Variants in MSRA observed in about 807,000 individuals in gnomAD.
The protein encoded by MSRA is methionine sulfoxide reductase A.
A neutral mutation model predicts 31.3 loss-of-function variants in MSRA; 54 were observed. That is an observed-to-expected ratio of 1.73 (90% confidence interval 1.39 to 2.17). The LOEUF is 2.17. Among genes scored for constraint, MSRA ranks in the 30% most tolerant of loss-of-function variants. The probability of loss-of-function intolerance (pLI) is 0.00; values close to 1 mark genes in which losing one functional copy is unlikely to be tolerated. For synonymous variants in MSRA, 169 were observed against 116.5 expected (o/e 1.45, Z -2.90); for missense variants, 507 against 300.9 (o/e 1.69, Z -5.07).
chr8:10,427,576 C>G (rs11250007), intron 5 of MSRA, among the ~76,000 whole-genome samples: 82,362 of 152,048 alleles, frequency 0.54, 25,379 homozygotes, highest in Non-Finnish European at 0.7. Context: ...TCCTTCTCCC[C>G]AGAGCCACAG....
intron 1 of MSRA, among the ~76,000 whole-genome samples, chr8:10,120,722 A>G (rs937459874): frequency 1.3e-5 from 2 of 152,182 alleles, no homozygotes; most frequent in African/African-American, 4.8e-5. Context: ...TGGTGAATCT[A>G]ATGGAAGCTC....
intron 1 of MSRA, among the ~76,000 whole-genome samples, chr8:10,122,437 G>T (rs1801192108): frequency 6.6e-6 from 1 of 152,104 alleles, no homozygotes; most frequent in Non-Finnish European, 1.5e-5. Context: ...AAACAAAACT[G>T]TGATGTAAAT....
intron 1 of MSRA, among the ~76,000 whole-genome samples, chr8:10,202,333 C>A (rs1268453748): frequency 6.6e-6 from 1 of 152,194 alleles, no homozygotes; most frequent in Non-Finnish European, 1.5e-5. Context: ...AAAGAACTTG[C>A]TATTTTCCCA....
chr8:10,369,047 T>G (rs2129169216), intron 5 of MSRA, among the ~76,000 whole-genome samples: 1 of 152,324 alleles, frequency 6.6e-6, no homozygotes, highest in East Asian at 1.9e-4. Context: ...AGAATAAGTG[T>G]TAGAATCCAA....
chr8:10,408,231 T>C (rs1034947926), intron 5 of MSRA, among the ~76,000 whole-genome samples: 2 of 152,146 alleles, frequency 1.3e-5, no homozygotes, highest in Admixed American at 1.3e-4. Context: ...TACATCTGCA[T>C]AGTGACATTT....
chr8:10,237,860 C>T lies in MSRA; in HGVS notation c.212-7244C>T, dbSNP rs571094152. ...ACCACTTGGTCTAAACCACCATTAT[C>T]TCTCACTTGGATTACAGCCATAGTT... On this transcript the variant is annotated intron_variant, in intron 2 of 5. Coordinates refer to ENST00000317173, the MANE Select transcript of MSRA (RefSeq NM_012331.5). Among the ~76,000 whole-genome samples the T allele has an allele frequency of 5.3e-5, 8 of 152,352 alleles. No individual in the cohort carries two copies. In the South Asian group the frequency reaches 1.7e-3, roughly 32 times the overall value.
chr8:10,112,442 G>T (rs1433724134), intron 1 of MSRA, among the ~76,000 whole-genome samples: 1 of 152,200 alleles, frequency 6.6e-6, no homozygotes, highest in Non-Finnish European at 1.5e-5. Flanking sequence ...GTCACGGCCA[G>T]TTAAAAATGC....
rs138534285 is a variant in MSRA, at chr8:10,353,379, C to G, written c.543+33390C>G. The stretch of plus-strand genomic sequence containing the variant: ...TACGCTGATCTGGTACTGAAGACCA[C>G]CAGGGCCGTCCGTGGCGTGTACGGA... On this transcript the variant is annotated intron_variant, in intron 5 of 5. Coordinates refer to ENST00000317173, the MANE Select transcript of MSRA (RefSeq NM_012331.5). 1.4e-3 allele frequency among the ~76,000 whole-genome samples: 216 copies of G among 152,278 alleles called. 1 individual carries two copies. Among genetic ancestry groups the G allele is most frequent in the African/African-American group, 5.0e-3 (209 of 41,558 alleles).
intron 1 of MSRA, among the ~76,000 whole-genome samples, chr8:10,184,943 G>A (rs1477506720): frequency 1.3e-5 from 2 of 152,194 alleles, no homozygotes. Flanking sequence ...GAAAGTAAAT[G>A]ATGTTGAATA....
chr8:10,241,045 C>T (rs1480144611), intron 2 of MSRA, among the ~76,000 whole-genome samples: 1 of 152,132 alleles, frequency 6.6e-6, no homozygotes, highest in Non-Finnish European at 1.5e-5. Flanking sequence ...TTATGATAGA[C>T]TGTGGCTGTA....
chr8:10,136,804 G>T lies in MSRA; in HGVS notation c.143-71029G>T, dbSNP rs140067039. ...GCTGTTGGGGGTTTCACCTGTGACT[G>T]TGTGTCTTGCCCTCTCCTTCCCCAT... On this transcript the variant is annotated intron_variant, in intron 1 of 5. Transcript: ENST00000317173. Among the ~76,000 whole-genome samples, 3 of 152,254 alleles carry T rather than the reference G, an allele frequency of 2.0e-5. No homozygotes were observed. In the East Asian group the frequency reaches 5.8e-4, roughly 29 times the overall value.
At chr8:10,201,620 C>T (rs1246832009) in intron 1 of MSRA, among the ~76,000 whole-genome samples, 2 of 152,174 alleles carry the variant, frequency 1.3e-5, no homozygotes, top group African/African-American at 2.4e-5. Flanking sequence ...TTACTGTGCC[C>T]TTTTCAAGGA....
chr8:10,314,254 A>T (rs1402116411), intron 4 of MSRA, among the ~76,000 whole-genome samples: 1 of 152,226 alleles, frequency 6.6e-6, no homozygotes, highest in Non-Finnish European at 1.5e-5. Flanking sequence ...CCAAGAACAG[A>T]GAGATTATAT....
chr8:10,426,238 T>G (rs7005363), intron 5 of MSRA, among the ~76,000 whole-genome samples: 2 of 152,046 alleles, frequency 1.3e-5, no homozygotes, highest in East Asian at 3.9e-4. Flanking sequence ...TGGAGCCAAA[T>G]GCTGTGTGAG....
intron 5 of MSRA, among the ~76,000 whole-genome samples, chr8:10,389,792 T>A (rs866379835): frequency 7.7e-5 from 1 of 12,972 alleles, no homozygotes; most frequent in Non-Finnish European, 6.9e-4. Flanking sequence ...AACTTACTCT[T>A]TTTTTTTTTT....
intron 1 of MSRA, among the ~76,000 whole-genome samples, chr8:10,056,627 G>A (rs780541602): frequency 1.3e-5 from 2 of 150,832 alleles, no homozygotes; most frequent in Non-Finnish European, 2.9e-5. Flanking sequence ...AATTTAGATT[G>A]TGGACGTTCC....
intron 3 of MSRA, among the ~76,000 whole-genome samples, chr8:10,245,429 T>C (rs892267220): frequency 3.9e-5 from 6 of 152,260 alleles, no homozygotes; most frequent in African/African-American, 1.4e-4. Flanking sequence ...CATTTAGCTT[T>C]TGCTGTGGAA....
intron 5 of MSRA, among the ~76,000 whole-genome samples, chr8:10,427,303 G>T (rs1459026139): frequency 6.6e-6 from 1 of 152,238 alleles, no homozygotes; most frequent in Non-Finnish European, 1.5e-5. Context: ...AAGGGGAGAA[G>T]AAGCAGGCTG....
At chr8:10,339,479 A>G (rs1405916870) in intron 5 of MSRA, among the ~76,000 whole-genome samples, 1 of 150,114 alleles carries the variant, frequency 6.7e-6, no homozygotes, top group Non-Finnish European at 1.5e-5. Flanking sequence ...CTTCGTGGTC[A>G]GGATTTTTGT....
Sources: gnomAD v4.1 joint callset for allele counts (sites outside exome capture counted in the v4.1 genomes callset) on GRCh38, gnomAD v4.1.1 for gene constraint, MANE v1.5 for transcripts, NCBI Gene and HGNC (gene_info 2026-07-23, HGNC 2026-07-21) for gene names.